ADAMTS3: variants seen among roughly 807,000 people sequenced by gnomAD.
The protein encoded by ADAMTS3 is ADAM metallopeptidase with thrombospondin type 1 motif 3, also known as A disintegrin and metalloproteinase with thrombospondin motifs 3.
ADAMTS3 carries 73 observed loss-of-function variants against 129.0 expected under a neutral mutation model. The observed-to-expected ratio is 0.57, with a 90% CI of 0.47 to 0.69. The LOEUF (loss-of-function observed/expected upper bound fraction) is 0.69. Ranked by LOEUF, ADAMTS3 falls within the 30% of genes least tolerant of loss-of-function variation. The probability of loss-of-function intolerance (pLI) is 0.00; values close to 1 mark genes in which losing one functional copy is unlikely to be tolerated. For synonymous variants in ADAMTS3, 477 were observed against 510.8 expected (o/e 0.93, Z 0.89); for missense variants, 1,457 against 1,514.5 (o/e 0.96, Z 0.63).
intron 2 of ADAMTS3, among the ~76,000 whole-genome samples, chr4:72,550,573 T>C (rs958188747): frequency 1.3e-5 from 2 of 152,120 alleles, no homozygotes; most frequent in East Asian, 1.9e-4. Context: ...GTGAGGACTG[T>C]AGTATGAGTC....
At chr4:72,395,861 A>G (rs973662186) in intron 4 of ADAMTS3, among the ~76,000 whole-genome samples, 6 of 152,190 alleles carry the variant, frequency 3.9e-5, no homozygotes, top group Admixed American at 2.6e-4. Context: ...CTGTGGATAC[A>G]TGGTCCACAA....
In ADAMTS3 at chr4:72,568,831, C is replaced by CCCCAAAA; in HGVS notation, c.-70_-69insTTTTGGG. ...CCAGAGCAAACCCACCCCCCCCGCC[C>CCCCAAAA]AAAATAAGTTTCTTTAAGAAAAAAA... On this transcript the variant is annotated 5_prime_UTR_variant, in exon 1 of 22. Coordinates refer to ENST00000286657, the MANE Select transcript of ADAMTS3 (RefSeq NM_014243.3). The CCCCAAAA allele has an allele frequency of 8.5e-7, 1 of 1,177,372 alleles. No individual in the cohort carries two copies. The highest frequency in any genetic ancestry group is 1.2e-6 in the Non-Finnish European group (1 of 829,352). The allele number at this position is 1,177,372 out of a possible 1,614,324, so 72.9% of individuals were successfully genotyped here.
chr4:72,346,626 T>A (rs541229948), intron 4 of ADAMTS3, among the ~76,000 whole-genome samples: 13 of 152,224 alleles, frequency 8.5e-5, no homozygotes, highest in African/African-American at 3.1e-4. Context: ...ATAAAGTATT[T>A]TTTGTTAAAT....
intron 18 of ADAMTS3, 146 bp downstream of exon 18, chr4:72,298,131 G>T: frequency 1.7e-6 from 1 of 598,142 alleles, no homozygotes; most frequent in Non-Finnish European, 2.8e-6. Flanking sequence ...TGAGATTTCA[G>T]TAAAAATGTT....
rs1334395514 is a variant in ADAMTS3 at position 72,290,851 on chromosome 4, C to A, written c.2931+4G>T. 1.2e-5 allele frequency: 19 copies of A among 1,613,594 alleles called. No homozygotes were observed. Among genetic ancestry groups the A allele is most frequent in the Non-Finnish European group, 1.6e-5 (19 of 1,179,736 alleles). On this transcript the variant is annotated splice_donor_region_variant and intron_variant, in intron 20 of 21. Transcript: ENST00000286657. ...TTATGCATGCACGGAATTCACACAC[C>A]TACCTCACTCCAGGGTCCTGTTTTC...
rs953469263 is a variant in ADAMTS3, at chr4:72,281,616, T to A, written c.*1520A>T. 4 of 152,204 alleles carry A rather than the reference T, an allele frequency of 2.6e-5. No individual in the cohort carries two copies. The highest frequency in any genetic ancestry group is 2.6e-4 in the Admixed American group (4 of 15,276). The allele number at this position is 152,204 out of a possible 1,614,324, so 9.4% of individuals were successfully genotyped here. A position where few individuals can be genotyped will look rare whatever the true frequency, so the allele number is the denominator to read the frequency against. ...CCTTGAAGGGAAACAAGTCATCAACTTAATATCAACTACTAAAAATGCAAG... is the reference window on the plus strand; with the variant it reads ...CCTTGAAGGGAAACAAGTCATCAACATAATATCAACTACTAAAAATGCAAG... On this transcript the variant is annotated 3_prime_UTR_variant, in exon 22 of 22. Coordinates refer to ENST00000286657, the MANE Select transcript of ADAMTS3 (RefSeq NM_014243.3).
At position 72,339,633 on chromosome 4, in the gene ADAMTS3, AGCT is replaced by A; in HGVS notation, c.719_721del (p.Gln240del). The A allele has an allele frequency of 6.2e-7, 1 of 1,613,906 alleles. No homozygotes were observed. Among genetic ancestry groups the A allele is most frequent in the Non-Finnish European group, 8.5e-7 (1 of 1,179,872 alleles). On this transcript the variant is annotated inframe_deletion, in exon 5 of 22. Transcript: ENST00000286657. ...TCTGCGGCGTCTCATTGTTTCATTC[AGCT>A]GCTGGTGGATGTTGCCATAAACAGT...
intron 21 of ADAMTS3, among the ~76,000 whole-genome samples, chr4:72,286,181 C>A (rs1184262481): frequency 1.3e-5 from 2 of 152,132 alleles, no homozygotes; most frequent in African/African-American, 4.8e-5. Flanking sequence ...TCTTGCTAAC[C>A]ATTGGGCACG....
In ADAMTS3 at chr4:72,282,306, T is replaced by G. The variant is rs570670207; in HGVS notation, c.*830A>C. On this transcript the variant is annotated 3_prime_UTR_variant, in exon 22 of 22. Transcript: ENST00000286657. ...GTTTTGTCTTGCACGAGTTCATTAT[T>G]TACTATTCGTTGATCCCTGTGACCA... The G allele has an allele frequency of 6.6e-6, 1 of 152,214 alleles. No homozygotes were observed. The highest frequency in any genetic ancestry group is 2.1e-4 in the South Asian group (1 of 4,826). The allele number at this position is 152,214 out of a possible 1,614,324, so 9.4% of individuals were successfully genotyped here.
chr4:72,301,748 G>A (rs958384201), intron 17 of ADAMTS3, among the ~76,000 whole-genome samples: 1 of 151,882 alleles, frequency 6.6e-6, no homozygotes, highest in Non-Finnish European at 1.5e-5. Flanking sequence ...CATGACAAAG[G>A]ACACCAATCC....
chr4:72,360,226 T>A (rs1720684074), intron 4 of ADAMTS3, among the ~76,000 whole-genome samples: 1 of 152,040 alleles, frequency 6.6e-6, no homozygotes. Flanking sequence ...CATAGGAGGT[T>A]TTTCCTCGAA....
chr4:72,494,645 GT>G (rs1719828133), intron 3 of ADAMTS3, among the ~76,000 whole-genome samples: 1 of 152,146 alleles, frequency 6.6e-6, no homozygotes, highest in Non-Finnish European at 1.5e-5. Flanking sequence ...GATGTTTTGT[GT>G]TTCCTGTAGC....
At chr4:72,528,678 C>T (rs1291587681) in intron 3 of ADAMTS3, among the ~76,000 whole-genome samples, 2 of 151,972 alleles carry the variant, frequency 1.3e-5, no homozygotes, top group Non-Finnish European at 2.9e-5. Flanking sequence ...ATCTTAGGTA[C>T]CTCAAAAACT....
intron 20 of ADAMTS3, among the ~76,000 whole-genome samples, chr4:72,289,730 T>A (rs368889144): frequency 6.6e-6 from 1 of 152,222 alleles, no homozygotes; most frequent in East Asian, 1.9e-4. Context: ...ATGGGTTAGT[T>A]ATTGCAGGAA....
chr4:72,535,035 A>C (rs1184205837), intron 3 of ADAMTS3, among the ~76,000 whole-genome samples: 1 of 152,174 alleles, frequency 6.6e-6, no homozygotes, highest in Non-Finnish European at 1.5e-5. Context: ...GGTGCAGCTG[A>C]CCAAATAGAG....
chr4:72,398,865 A>G (rs1708646129), intron 4 of ADAMTS3, among the ~76,000 whole-genome samples: 1 of 152,196 alleles, frequency 6.6e-6, no homozygotes, highest in Admixed American at 6.5e-5. Flanking sequence ...CCAACAGTGA[A>G]AAGAATACAG....
intron 3 of ADAMTS3, among the ~76,000 whole-genome samples, chr4:72,494,366 T>C (rs931279383): frequency 2.0e-5 from 3 of 152,176 alleles, no homozygotes; most frequent in Admixed American, 2.0e-4. Flanking sequence ...ACACTCTCTA[T>C]TGCTTTCTTC....
At chr4:72,411,834 C>T (rs1271499053) in intron 4 of ADAMTS3, among the ~76,000 whole-genome samples, 1 of 152,042 alleles carries the variant, frequency 6.6e-6, no homozygotes, top group African/African-American at 2.4e-5. Context: ...CTTAAACAAT[C>T]TCTCTCTCTT....
chr4:72,505,413 T>C (rs557194018), intron 3 of ADAMTS3, among the ~76,000 whole-genome samples: 2 of 152,180 alleles, frequency 1.3e-5, no homozygotes, highest in Non-Finnish European at 2.9e-5. Context: ...AGTCAGTAGA[T>C]GGCGCTTATG....
Sources: allele counts gnomAD v4.1 joint callset (sites outside exome capture counted in the v4.1 genomes callset), GRCh38; gene constraint gnomAD v4.1.1; transcripts MANE v1.5; gene names NCBI Gene and HGNC (gene_info 2026-07-23, HGNC 2026-07-21).